The following E2F8 variants were observed in gnomAD, a reference collection of about 807,000 sequenced individuals.
E2F8 encodes transcription factor E2F8.
E2F8 carries 35 observed loss-of-function variants against 80.8 expected under a neutral mutation model. That is an observed-to-expected ratio of 0.43 (90% CI 0.33 to 0.57). The LOEUF is 0.57. E2F8 is among the 20% of genes least tolerant of loss of function. The pLI is 0.04. For synonymous variants in E2F8, 386 were observed against 395.0 expected (o/e 0.98, Z 0.27); for missense variants, 975 against 1,056.2 (o/e 0.92, Z 1.07).
chr11:19,234,388 C>A lies in E2F8; in HGVS notation c.900G>T (p.Val300=). ...TAAACTTGCTTTTATCCAAATCTTC[C>A]ACATGGTCCTCCCCAATTAAAATCT... ...AAKILIGEDH[V]EDLDKSKFKT... Residue 300 remains valine (V), a synonymous_variant, in exon 6 of 13, where the codon GTG becomes GTT. Transcript: ENST00000250024. 1 of 1,613,994 alleles carries A rather than the reference C, an allele frequency of 6.2e-7. No homozygotes were observed. Among genetic ancestry groups the A allele is most frequent in the Non-Finnish European group, 8.5e-7 (1 of 1,179,996 alleles).
chr11:19,224,511 G>T lies in E2F8; in HGVS notation c.*147C>A. 10 of 591,472 alleles carry T rather than the reference G, an allele frequency of 1.7e-5. No individual in the cohort carries two copies. The highest frequency in any genetic ancestry group is 3.1e-5 in the Admixed American group (1 of 32,574). 36.6% of individuals were successfully genotyped at this position (591,472 alleles called of 1,614,324 possible). ...TGTGTGTGTGTGTATATATATATAT[G>T]TATGAAAACAACTATCTGATTTCAC... On this transcript the variant is annotated 3_prime_UTR_variant, in exon 13 of 13. Coordinates refer to ENST00000250024, the MANE Select transcript of E2F8 (RefSeq NM_024680.4).
intron 7 of E2F8, among the ~76,000 whole-genome samples, chr11:19,231,474 C>A (rs1385663360): frequency 6.6e-6 from 1 of 152,192 alleles, no homozygotes; most frequent in Non-Finnish European, 1.5e-5. Context: ...GGCCGCAAAG[C>A]CAGAGTGGCA....
chr11:19,228,528 C>A (rs1176251113), intron 10 of E2F8, among the ~76,000 whole-genome samples: 1 of 152,218 alleles, frequency 6.6e-6, no homozygotes, highest in Non-Finnish European at 1.5e-5. Context: ...AAAGCAATTG[C>A]CACCAAAGGC....
Position 19,230,245 on chromosome 11 carries a change from A to G in E2F8, c.1354T>C (p.Ser452Pro). Reference protein sequence around the residue: ...AICKMQLEEQSSESRQKVKVQ... With the variant: ...AICKMQLEEQPSESRQKVKVQ... ...TAAAGAGGATTGCCAACCTACCTTG[A>G]TTGCTCTTCTAACTGCATTTTACAA... is the stretch of plus-strand genomic sequence containing the variant. The change falls in exon 9 of 13, where the codon TCA becomes CCA. Residue 452 changes from serine to proline, a missense_variant. By Grantham distance (74) the Ser-to-Pro change is moderately conservative. Transcript: ENST00000250024. 6.2e-7 allele frequency: 1 copy of G among 1,612,682 alleles called. No individual in the cohort carries two copies. The highest frequency in any genetic ancestry group is 8.5e-7 in the Non-Finnish European group (1 of 1,179,692).
intron 8 of E2F8, 67 bp from the exon 9 acceptor site, chr11:19,230,395 C>G (rs1284081263): frequency 5.3e-6 from 8 of 1,495,532 alleles, no homozygotes; most frequent in Non-Finnish European, 7.3e-6. Context: ...CAGATGAAAC[C>G]TCACTGAAGT....
chr11:19,224,405 T>A lies in E2F8; in HGVS notation c.*253A>T. 2.9e-6 allele frequency: 1 copy of A among 348,982 alleles called. No homozygotes were observed. The highest frequency in any genetic ancestry group is 5.2e-6 in the Non-Finnish European group (1 of 193,880). The allele number at this position is 348,982 out of a possible 1,614,324, so 21.6% of individuals were successfully genotyped here. On this transcript the variant is annotated 3_prime_UTR_variant, in exon 13 of 13. Transcript: ENST00000250024. ...TTTCCCCCTAGAAGTTAATATATCT[T>A]AGAGTTCAACATTTTACTTTTATTT...
At chr11:19,227,123 T>C (rs756830848) in intron 10 of E2F8, among the ~76,000 whole-genome samples, 2 of 152,226 alleles carry the variant, frequency 1.3e-5, no homozygotes, top group Non-Finnish European at 2.9e-5. Flanking sequence ...GACCTCCTTT[T>C]TTCTTCCTTC....
intron 4 of E2F8, among the ~76,000 whole-genome samples, chr11:19,236,701 T>C (rs1008539827): frequency 1.3e-5 from 2 of 152,264 alleles, no homozygotes; most frequent in African/African-American, 2.4e-5. Flanking sequence ...TGTATTATCT[T>C]GCACAGCACA....
At chr11:19,230,078 T>C in intron 9 of E2F8, 90 bp from the exon 10 acceptor site, 1 of 1,552,294 alleles carries the variant, frequency 6.4e-7, no homozygotes, top group Non-Finnish European at 8.8e-7. Context: ...AAGCCACGCT[T>C]TTATGGAACA....
intron 3 of E2F8, 128 bp from the exon 4 acceptor site, chr11:19,237,598 G>T: frequency 8.8e-7 from 1 of 1,132,904 alleles, no homozygotes; most frequent in Non-Finnish European, 1.2e-6. Context: ...AAGTCTGGAT[G>T]GGAGAAAAGG....
rs747537376 is a variant in E2F8 at position 19,229,602 on chromosome 11, A to G, written c.1745T>C (p.Leu582Ser). ...CCCTTGCCTCTCTGGTGCTGGCAGC[A>G]AGCTTCCAGGCCTGGTAGAGGCACT... ...KASASTRPGS[L>S]LPAPERQGAK... is the part of the protein sequence containing the mutation. Residue 582 changes from leucine (L) to serine (S), a missense_variant, in exon 10 of 13, where the codon TTG becomes TCG. Leu to Ser is a moderately radical substitution (Grantham distance 145). Coordinates refer to ENST00000250024, the MANE Select transcript of E2F8 (RefSeq NM_024680.4). This position sits in a 1 kb window ranked among gnomAD's most constrained non-coding sequence, Gnocchi z 4.3. The G allele has an allele frequency of 6.2e-7, 1 of 1,613,930 alleles. No individual in the cohort carries two copies. Among genetic ancestry groups the G allele is most frequent in the Non-Finnish European group, 8.5e-7 (1 of 1,179,998 alleles).
rs1239739132 is a variant in E2F8, at chr11:19,229,336, A to G, written c.1893+118T>C. ...GGCCTCACTTGGATTATGGGATGCT[A>G]AGGAACAGTTCCTTGTCTTCTGAGA... On this transcript the variant is annotated intron_variant, in intron 10 of 12. Coordinates refer to ENST00000250024, the MANE Select transcript of E2F8 (RefSeq NM_024680.4). This position sits in a 1 kb window ranked among gnomAD's most constrained non-coding sequence, Gnocchi z 4.3. 5.1e-6 allele frequency: 7 copies of G among 1,378,782 alleles called. No individual in the cohort carries two copies. In the Admixed American group the frequency reaches 1.1e-4, roughly 23 times the overall value. The allele number at this position is 1,378,782 out of a possible 1,614,324, so 85.4% of individuals were successfully genotyped here.
chr11:19,238,002 T>C lies in E2F8; in HGVS notation c.146A>G (p.Lys49Arg), dbSNP rs111756396. 60 of 1,614,110 alleles carry C rather than the reference T, an allele frequency of 3.7e-5. No homozygotes were observed. Among genetic ancestry groups the C allele is most frequent in the Non-Finnish European group, 4.9e-5 (58 of 1,180,048 alleles). ...FGPLTTPTKP[K>R]EGSQGEPWTP... Reference sequence around the variant, plus strand: ...CCACGGCTCTCCCTGAGAGCCTTCCTTGGGCTTGGTAGGTGTGGTTAAAGG... The same window carrying C: ...CCACGGCTCTCCCTGAGAGCCTTCCCTGGGCTTGGTAGGTGTGGTTAAAGG... Residue 49 changes from lysine to arginine, a missense_variant, in exon 3 of 13, where the codon AAG (lysine) becomes AGG (arginine). Transcript: ENST00000250024.
chr11:19,227,530 A>G (rs1255761220), intron 10 of E2F8, among the ~76,000 whole-genome samples: 1 of 152,142 alleles, frequency 6.6e-6, no homozygotes, highest in East Asian at 1.9e-4. Context: ...TCCCTTTTTT[A>G]TAAAATAATT....
At chr11:19,227,735 A>C (rs140652957) in intron 10 of E2F8, among the ~76,000 whole-genome samples, 197 of 152,236 alleles carry the variant, frequency 1.3e-3, no homozygotes, top group African/African-American at 4.5e-3. Flanking sequence ...AATTTGTTGA[A>C]TGAATTAACA....
chr11:19,234,165 AAG>A (rs1554972486), intron 6 of E2F8, among the ~76,000 whole-genome samples, 193 bp downstream of exon 6: 12 of 151,536 alleles, frequency 7.9e-5, no homozygotes, highest in African/African-American at 2.9e-4. Flanking sequence ...AAAAAAAAAA[AAG>A]AGTAGTGATA....
Position 19,229,929 on chromosome 11 carries a change from G to T in E2F8, c.1418C>A (p.Ala473Asp), listed in dbSNP as rs762615711. 6.2e-7 allele frequency: 1 copy of T among 1,614,032 alleles called. No individual in the cohort carries two copies. Among genetic ancestry groups the T allele is most frequent in the Non-Finnish European group, 8.5e-7 (1 of 1,180,008 alleles). Residue 473 changes from alanine (A) to aspartate (D), a missense_variant, in exon 10 of 13, where the codon GCC becomes GAC. Physicochemically the swap from Ala to Asp is moderately radical, Grantham distance 126. Coordinates refer to ENST00000250024, the MANE Select transcript of E2F8 (RefSeq NM_024680.4). The surrounding 1 kb of genome is among the most constrained non-coding windows in gnomAD (Gnocchi z 4.3). ...AGCATTCACTGGGGGGTCCAGAGGGGCTACTGGTTTGCAGGGTCCAGATCT... is the reference window on the plus strand; with the variant it reads ...AGCATTCACTGGGGGGTCCAGAGGGTCTACTGGTTTGCAGGGTCCAGATCT... ...LARSGPCKPV[A>D]PLDPPVNAEM...
intron 6 of E2F8, among the ~76,000 whole-genome samples, chr11:19,232,608 C>T (rs138838512): frequency 2.6e-5 from 4 of 152,156 alleles, no homozygotes; most frequent in East Asian, 1.9e-4. Context: ...CAATAGCATA[C>T]GTTGACAAAG....
At chr11:19,241,227 C>T (rs373864182), upstream of E2F8, among the ~76,000 whole-genome samples, 28 of 152,278 alleles carry the variant, frequency 1.8e-4, no homozygotes, top group African/African-American at 6.5e-4. This position sits in a 1 kb window ranked among gnomAD's most constrained non-coding sequence, Gnocchi z 4.5. Flanking sequence ...GGAACCACGG[C>T]AACCCCGCCC....
Sources: allele counts gnomAD v4.1 joint callset (sites outside exome capture counted in the v4.1 genomes callset), GRCh38; gene constraint gnomAD v4.1.1; non-coding constraint Gnocchi (gnomAD v3.1); transcripts MANE v1.5; gene names NCBI Gene and HGNC (gene_info 2026-07-23, HGNC 2026-07-21).